The following GRK3 variants were observed in gnomAD, a reference collection of about 807,000 sequenced individuals.
GRK3 encodes adrenergic, beta, receptor kinase 2.
In GRK3, 54 loss-of-function variants were observed where a neutral mutation model predicts 95.7. The ratio of observed to expected loss-of-function variants is 0.56; its 90% CI spans 0.45 to 0.71. GRK3 has a LOEUF of 0.71. Among genes scored for constraint, GRK3 ranks in the 30% least tolerant of loss-of-function variants. The pLI is 0.00. For synonymous variants in GRK3, 281 were observed against 290.8 expected (o/e 0.97, Z 0.34); for missense variants, 649 against 851.2 (o/e 0.76, Z 2.96).
chr22:25,609,405 C>T (rs1192203264), intron 2 of GRK3, among the ~76,000 whole-genome samples: 3 of 151,652 alleles, frequency 2.0e-5, no homozygotes, highest in Non-Finnish European at 4.4e-5. Context: ...AATCTTGGCT[C>T]ACTGCAACCT....
At chr22:25,575,299 T>C (rs1931852157) in intron 1 of GRK3, among the ~76,000 whole-genome samples, 1 of 152,232 alleles carries the variant, frequency 6.6e-6, no homozygotes, top group African/African-American at 2.4e-5. Context: ...TTATGGCCTA[T>C]GGTTATGACT....
chr22:25,611,968 G>C (rs1197594433), intron 2 of GRK3, among the ~76,000 whole-genome samples: 1 of 151,664 alleles, frequency 6.6e-6, no homozygotes, highest in Non-Finnish European at 1.5e-5. Context: ...GAGTAGCTGG[G>C]ATTACAGGAG....
rs1359908259 is a variant in GRK3 at position 25,722,384 on chromosome 22, A to T, written c.2001A>T (p.Lys667Asn). ...LLRRAPKFLN[K>N]PRSGTVELPK... ...GTCGTGCCCCGAAGTTCCTCAACAAACCTCGGTCAGGTACTGTGGAGCTCC... is the reference window on the plus strand; with the variant it reads ...GTCGTGCCCCGAAGTTCCTCAACAATCCTCGGTCAGGTACTGTGGAGCTCC... Residue 667 changes from lysine to asparagine, a missense_variant, in exon 21 of 21, where the codon AAA (lysine) becomes AAT (asparagine). Physicochemically the swap from Lys to Asn is moderately conservative, Grantham distance 94. This residue lies in a region of GRK3 where 382 missense variants were observed against 493.8 expected (regional missense o/e 0.77). Transcript: ENST00000324198. 6.2e-7 allele frequency: 1 copy of T among 1,614,112 alleles called. No homozygotes were observed. Among genetic ancestry groups the T allele is most frequent in the Non-Finnish European group, 8.5e-7 (1 of 1,180,016 alleles).
intron 2 of GRK3, among the ~76,000 whole-genome samples, chr22:25,626,344 T>C (rs2084628339): frequency 6.6e-6 from 1 of 152,210 alleles, no homozygotes; most frequent in South Asian, 2.1e-4. Flanking sequence ...TGAATATCTG[T>C]GGAAATAGAG....
intron 9 of GRK3, among the ~76,000 whole-genome samples, chr22:25,682,165 A>G (rs955552607): frequency 2.6e-5 from 4 of 152,228 alleles, no homozygotes; most frequent in African/African-American, 7.2e-5. Flanking sequence ...TTTGGTAATG[A>G]CTAGACAGTA....
chr22:25,610,889 C>A lies in GRK3; in HGVS notation c.190+6436C>A, dbSNP rs113518839. ...TTTTGTTTTTTGTTTTGAGATAGAG[C>A]CTTGCTGTGCTACCCAAGCTGGAGT... On this transcript the variant is annotated intron_variant, in intron 2 of 20. Transcript: ENST00000324198. Among the ~76,000 whole-genome samples the A allele has an allele frequency of 6.6e-3, 1,009 of 151,920 alleles. 16 individuals are homozygous for A. Among genetic ancestry groups the A allele is most frequent in the African/African-American group, 0.023 (942 of 41,414 alleles).
intron 3 of GRK3, among the ~76,000 whole-genome samples, chr22:25,653,511 A>T (rs2084848930): frequency 6.6e-6 from 1 of 152,238 alleles, no homozygotes. Flanking sequence ...AATATAAAGC[A>T]AAAATTGGCA....
intron 16 of GRK3, among the ~76,000 whole-genome samples, chr22:25,710,799 G>A (rs895467917): frequency 3.3e-5 from 5 of 152,196 alleles, no homozygotes; most frequent in Non-Finnish European, 7.3e-5. Context: ...GCAGTCCTGA[G>A]ATTTTGTTAT....
At chr22:25,623,757 A>T (rs1353381991) in intron 2 of GRK3, among the ~76,000 whole-genome samples, 2 of 152,098 alleles carry the variant, frequency 1.3e-5, no homozygotes, top group East Asian at 3.9e-4. Flanking sequence ...AGCCTCGCTG[A>T]TGCCTTCTCG....
intron 10 of GRK3, among the ~76,000 whole-genome samples, chr22:25,687,122 G>GT (rs538024155): frequency 0.029 from 4,255 of 146,960 alleles, 65 homozygotes; most frequent in Middle Eastern, 0.041. Flanking sequence ...GCCCAGCCTA[G>GT]TTTTTTTTTT....
At chr22:25,648,622 C>T in intron 3 of GRK3, 1 of 1,088,184 alleles carries the variant, frequency 9.2e-7, no homozygotes, top group South Asian at 1.3e-5. Context: ...GCTGTTGTTT[C>T]TGAAGAGCCA....
chr22:25,718,010 A>T (rs1423449818), intron 18 of GRK3, among the ~76,000 whole-genome samples: 1 of 152,218 alleles, frequency 6.6e-6, no homozygotes, highest in Non-Finnish European at 1.5e-5. Context: ...TGGATTTATC[A>T]GCATATTGAG....
At chr22:25,702,956 A>T (rs756968309) in intron 13 of GRK3, 63 of 454,276 alleles carry the variant, frequency 1.4e-4, no homozygotes, top group Non-Finnish European at 2.4e-4. Context: ...GGAAAACAGG[A>T]AGCGCTCAGA....
At position 25,565,019 on chromosome 22, in the gene GRK3, G is replaced by GC. The variant is rs1931399907; in HGVS notation, c.-20dup. 6.8e-6 allele frequency: 8 copies of GC among 1,171,866 alleles called. No individual in the cohort carries two copies. The highest frequency in any genetic ancestry group is 9.1e-6 in the Non-Finnish European group (8 of 880,212). The allele number at this position is 1,171,866 out of a possible 1,614,324, so 72.6% of individuals were successfully genotyped here. On this transcript the variant is annotated 5_prime_UTR_variant, in exon 1 of 21. Coordinates refer to ENST00000324198, the MANE Select transcript of GRK3 (RefSeq NM_005160.4). ...GTCCAGGTCCGGAGTAACCGCCGCC[G>GC]CCGCCGCCAAAGCTCGCCAACATGG... is the stretch of plus-strand genomic sequence containing the variant.
chr22:25,670,518 T>C (rs750461205), intron 6 of GRK3, among the ~76,000 whole-genome samples: 1 of 151,336 alleles, frequency 6.6e-6, no homozygotes, highest in Admixed American at 6.6e-5. Context: ...AAAAAAAAAA[T>C]TGTAAAGCTC....
chr22:25,614,424 G>A (rs1185754349), intron 2 of GRK3, among the ~76,000 whole-genome samples: 4 of 152,198 alleles, frequency 2.6e-5, no homozygotes, highest in African/African-American at 4.8e-5. Context: ...GTGAGCCACT[G>A]TGCTCGGCCA....
intron 11 of GRK3, among the ~76,000 whole-genome samples, chr22:25,688,858 G>A (rs952860453): frequency 6.6e-6 from 1 of 152,208 alleles, no homozygotes; most frequent in Non-Finnish European, 1.5e-5. Flanking sequence ...TGCGTAAATT[G>A]TAATAAGAAA....
At chr22:25,581,166 T>C (rs1932088776) in intron 1 of GRK3, 1 of 152,168 alleles carries the variant, frequency 6.6e-6, no homozygotes, top group Non-Finnish European at 1.5e-5. Context: ...TAGGGAAAAG[T>C]AGCAGATTAC....
In GRK3 at chr22:25,722,532, C is replaced by G; in HGVS notation, c.*82C>G. The G allele has an allele frequency of 6.1e-6, 9 of 1,466,524 alleles. No individual in the cohort carries two copies. The highest frequency in any genetic ancestry group is 6.5e-6 in the Non-Finnish European group (7 of 1,071,200). 90.8% of individuals were successfully genotyped at this position (1,466,524 alleles called of 1,614,324 possible). ...GGTGAACGAGGATGAGGCATCTGAT[C>G]TATTCGCTACCGGGACTCCTCCAGG... On this transcript the variant is annotated 3_prime_UTR_variant, in exon 21 of 21. Transcript: ENST00000324198.
Sources: gnomAD v4.1 joint callset for allele counts (sites outside exome capture counted in the v4.1 genomes callset) on GRCh38, gnomAD v4.1.1 for gene constraint, gnomAD v4.1.1 regional missense constraint, MANE v1.5 for transcripts, NCBI Gene and HGNC (gene_info 2026-07-23, HGNC 2026-07-21) for gene names.